COL4A4: variants seen among roughly 807,000 people sequenced by gnomAD.
The protein encoded by COL4A4 is collagen type IV alpha 4 chain.
A neutral mutation model predicts 192.9 loss-of-function variants in COL4A4; 105 were observed. That is an observed-to-expected ratio of 0.54 (90% CI 0.46 to 0.64). The LOEUF (loss-of-function observed/expected upper bound fraction) is 0.64, where lower values mean the gene tolerates loss of function less well. Ranked by LOEUF, COL4A4 falls within the 30% of genes least tolerant of loss-of-function variation. The pLI, the probability that COL4A4 is intolerant of heterozygous loss-of-function variation, is 0.00. For synonymous variants in COL4A4, 762 were observed against 769.9 expected, an observed-to-expected ratio of 0.99 and a Z score of 0.17; for missense variants, 1,967 against 2,169.3, an observed-to-expected ratio of 0.91 and a Z score of 1.85.
chr2:227,056,770 T>A (rs190352327), intron 29 of COL4A4, among the ~76,000 whole-genome samples: 34 of 152,340 alleles, frequency 2.2e-4, no homozygotes, highest in Admixed American at 2.0e-3. Context: ...GGCAGAGCCC[T>A]CATGAATAAG....
the COL4A4 span, among the ~76,000 whole-genome samples, chr2:226,980,535 AC>A: frequency 2.0e-5 from 3 of 151,956 alleles, no homozygotes; most frequent in Admixed American, 6.6e-5. Flanking sequence ...TCCTGAAGAC[AC>A]CCCTCGTGTT....
At chr2:227,057,117 G>A (rs932430854) in intron 29 of COL4A4, among the ~76,000 whole-genome samples, 1 of 152,144 alleles carries the variant, frequency 6.6e-6, no homozygotes, top group African/African-American at 2.4e-5. Flanking sequence ...AAGCACCCTT[G>A]ATAAATGATA....
intron 23 of COL4A4, among the ~76,000 whole-genome samples, chr2:227,081,652 A>C (rs767958918): frequency 6.6e-6 from 1 of 152,188 alleles, no homozygotes; most frequent in Non-Finnish European, 1.5e-5. Context: ...CTTTTCATAT[A>C]CACATATATC....
intron 40 of COL4A4, among the ~76,000 whole-genome samples, chr2:227,031,041 A>AGATGGATGGATGGATGGATGGATGGATG (rs58038992): frequency 7.2e-4 from 106 of 146,346 alleles, no homozygotes; most frequent in Middle Eastern, 3.5e-3. Context: ...TTGGATGGAC[A>AGATGGATGGATGGATGGATGGATGGATG]GATGGATGGA....
At chr2:227,060,321 G>T in intron 26 of COL4A4, 78 bp from the exon 27 acceptor site, 1 of 1,027,230 alleles carries the variant, frequency 9.7e-7, no homozygotes. Flanking sequence ...TTTTCTTTAA[G>T]TCTATGTTAA....
intron 4 of COL4A4, among the ~76,000 whole-genome samples, chr2:227,132,790 A>T (rs34711770): frequency 6.6e-6 from 1 of 151,102 alleles, no homozygotes; most frequent in African/African-American, 2.4e-5. Context: ...TAAAAAATAA[A>T]CAAAAAAAAG....
In COL4A4 at chr2:227,102,778, A is replaced by G. The variant is rs531340239; in HGVS notation, c.930+11T>C. The G allele has an allele frequency of 9.8e-5, 158 of 1,610,630 alleles. 1 individual carries two copies. In the South Asian group the frequency reaches 1.7e-3, roughly 17 times the overall value. ...CCAAATTCACTGATGTTAACAGCAAATGATGCTTACCCGAGGCCCTGGAAA... is the reference window on the plus strand; with the variant it reads ...CCAAATTCACTGATGTTAACAGCAAGTGATGCTTACCCGAGGCCCTGGAAA... On this transcript the variant is annotated intron_variant, in intron 15 of 47. Coordinates refer to ENST00000396625, the MANE Select transcript of COL4A4 (RefSeq NM_000092.5).
intron 45 of COL4A4, among the ~76,000 whole-genome samples, chr2:227,011,732 T>C (rs192488495): frequency 9.1e-4 from 139 of 152,336 alleles, no homozygotes; most frequent in South Asian, 1.5e-3. Context: ...AGTGTACTAA[T>C]GGCTATATGA....
intron 1 of COL4A4, among the ~76,000 whole-genome samples, chr2:227,151,125 T>C (rs1258850458): frequency 6.6e-6 from 1 of 152,186 alleles, no homozygotes; most frequent in Non-Finnish European, 1.5e-5. Flanking sequence ...TACATTGCTA[T>C]TTTTTAAATT....
intron 9 of COL4A4, 60 bp downstream of exon 9, chr2:227,111,618 C>T (rs1021486302): frequency 1.1e-5 from 17 of 1,562,756 alleles, no homozygotes; most frequent in Admixed American, 1.0e-4. Flanking sequence ...GGGATTAAAA[C>T]GTGGATCATA....
chr2:227,156,242 A>G (rs915112842), intron 1 of COL4A4, among the ~76,000 whole-genome samples: 1 of 151,850 alleles, frequency 6.6e-6, no homozygotes, highest in Non-Finnish European at 1.5e-5. Context: ...CTACAAAAAA[A>G]CAAAAAATTT....
Position 227,008,192 on chromosome 2 carries a change from G to T in COL4A4, c.4635C>A (p.Ser1545Arg). ...GTGGCATCATGGGGAGGGGCGCAGC[G>T]CTGGCCAGCCAGTAGGATCTGTCGT... ...QRNDRSYWLASAAPLPMMPLS... is the reference protein window; with the variant it reads ...QRNDRSYWLARAAPLPMMPLS... Residue 1545 changes from serine to arginine, a missense_variant, in exon 47 of 48, where the codon AGC (serine) becomes AGA (arginine). Coordinates refer to ENST00000396625, the MANE Select transcript of COL4A4 (RefSeq NM_000092.5). 1 of 1,614,214 alleles carries T rather than the reference G, an allele frequency of 6.2e-7. No homozygotes were observed.
At chr2:226,987,739 G>A in the COL4A4 span, among the ~76,000 whole-genome samples, 1 of 152,184 alleles carries the variant, frequency 6.6e-6, no homozygotes, top group African/African-American at 2.4e-5. Context: ...TGGTTGAAGT[G>A]AATTCATTTG....
chr2:227,134,450 C>T (rs771765483), intron 4 of COL4A4, among the ~76,000 whole-genome samples: 11 of 152,210 alleles, frequency 7.2e-5, no homozygotes, highest in Non-Finnish European at 1.2e-4. Context: ...CAAAATGGAA[C>T]ACAATTGACT....
At chr2:227,152,405 T>A in intron 1 of COL4A4, among the ~76,000 whole-genome samples, 1 of 152,250 alleles carries the variant, frequency 6.6e-6, no homozygotes, top group East Asian at 1.9e-4. Flanking sequence ...AGAATCTTTT[T>A]GTCTCCCAAG....
intron 9 of COL4A4, among the ~76,000 whole-genome samples, chr2:227,109,722 G>A (rs1442230751): frequency 6.6e-6 from 1 of 151,518 alleles, no homozygotes; most frequent in Admixed American, 6.6e-5. Context: ...ACTCCAGCCT[G>A]GCGAAAGAGC....
intron 4 of COL4A4, among the ~76,000 whole-genome samples, chr2:227,130,420 G>A (rs1036358798): frequency 1.3e-5 from 2 of 152,170 alleles, no homozygotes; most frequent in African/African-American, 4.8e-5. Context: ...CAAGGCTAAG[G>A]GCTCCTGGTA....
chr2:227,070,555 G>A (rs988476231), intron 25 of COL4A4, among the ~76,000 whole-genome samples: 5 of 152,058 alleles, frequency 3.3e-5, no homozygotes, highest in Non-Finnish European at 7.4e-5. Flanking sequence ...AACAATGAGT[G>A]CATGTCCTTT....
At chr2:227,078,111 C>A (rs951750319) in intron 24 of COL4A4, 34 bp from the exon 25 acceptor site, 5 of 1,607,248 alleles carry the variant, frequency 3.1e-6, no homozygotes, top group Non-Finnish European at 4.3e-6. Context: ...AATTACCAAC[C>A]ACTGAATGTC....
Sources: allele counts gnomAD v4.1 joint callset (sites outside exome capture counted in the v4.1 genomes callset), GRCh38; gene constraint gnomAD v4.1.1; transcripts MANE v1.5; gene names NCBI Gene and HGNC (gene_info 2026-07-23, HGNC 2026-07-21).